Variants in LAMC2 observed in about 807,000 individuals in gnomAD.
LAMC2 encodes the protein laminin subunit gamma 2, also known as laminin subunit gamma-2.
In LAMC2, 97 loss-of-function variants were observed where a neutral mutation model predicts 140.2. The ratio of observed to expected loss-of-function variants is 0.69; its 90% CI spans 0.59 to 0.82. The LOEUF (loss-of-function observed/expected upper bound fraction) is 0.82. Ranked by LOEUF, LAMC2 falls within the 40% of genes least tolerant of loss-of-function variation. The pLI, the probability that LAMC2 is intolerant of heterozygous loss-of-function variation, is 0.00. For missense variants in LAMC2, 1,402 were observed against 1,476.1 expected (o/e 0.95, Z 0.82); for synonymous variants, 513 against 540.2 (o/e 0.95, Z 0.70).
intron 1 of LAMC2, among the ~76,000 whole-genome samples, chr1:183,207,589 C>T (rs555624085): frequency 1.3e-5 from 2 of 152,130 alleles, no homozygotes; most frequent in Non-Finnish European, 2.9e-5. Flanking sequence ...TGTAATTTAA[C>T]ATTTTGGGTT....
chr1:183,239,976 T>G, intron 20 of LAMC2, 64 bp from the exon 21 acceptor site: 1 of 1,574,716 alleles, frequency 6.4e-7, no homozygotes, highest in Non-Finnish European at 8.7e-7. Flanking sequence ...ATGGTTGTCT[T>G]TGGGATGTTT....
Position 183,236,498 on chromosome 1 carries a change from G to C in LAMC2, c.2495G>C (p.Arg832Thr). 6.2e-7 allele frequency: 1 copy of C among 1,613,916 alleles called. No homozygotes were observed. The highest frequency in any genetic ancestry group is 8.5e-7 in the Non-Finnish European group (1 of 1,179,996). ...AAGTCCCTGGCCCAGCAGTTGACAAGGGAGGCCACTCAAGCGGAAATTGAA... is the reference window on the plus strand; with the variant it reads ...AAGTCCCTGGCCCAGCAGTTGACAACGGAGGCCACTCAAGCGGAAATTGAA... ...KTKSLAQQLTREATQAEIEAD... is the reference protein window; with the variant it reads ...KTKSLAQQLTTEATQAEIEAD... The change falls in exon 17 of 23, where the codon AGG becomes ACG. Residue 832 changes from arginine (R) to threonine (T), a missense_variant. This residue lies in a region of LAMC2 where 670 missense variants were observed against 667.2 expected (regional missense o/e 1.00). Coordinates refer to ENST00000264144, the MANE Select transcript of LAMC2 (RefSeq NM_005562.3).
intron 4 of LAMC2, among the ~76,000 whole-genome samples, chr1:183,219,320 A>T (rs1659393754): frequency 6.6e-6 from 1 of 152,206 alleles, no homozygotes; most frequent in East Asian, 1.9e-4. Context: ...CAGGGACATA[A>T]AGTTTAAGTG....
downstream of LAMC2, chr1:183,249,042 T>C (rs1284107089): frequency 6.6e-6 from 1 of 152,104 alleles, no homozygotes; most frequent in African/African-American, 2.4e-5. Flanking sequence ...TCTACTTAAT[T>C]TGAACAGCAA....
At chr1:183,207,093 C>A (rs183253913) in intron 1 of LAMC2, among the ~76,000 whole-genome samples, 1 of 152,244 alleles carries the variant, frequency 6.6e-6, no homozygotes, top group East Asian at 1.9e-4. Context: ...GTGATGTGCC[C>A]AAGGAAATAG....
chr1:183,209,570 T>A (rs1464447333), intron 2 of LAMC2, among the ~76,000 whole-genome samples: 1 of 152,174 alleles, frequency 6.6e-6, no homozygotes, highest in African/African-American at 2.4e-5. Flanking sequence ...TCAAAGAACT[T>A]CATAAAAAAA....
At chr1:183,190,185 C>T (rs1030634778) in intron 1 of LAMC2, among the ~76,000 whole-genome samples, 6 of 152,132 alleles carry the variant, frequency 3.9e-5, no homozygotes, top group Admixed American at 2.0e-4. Flanking sequence ...GATGATAAAT[C>T]GATATGACCA....
intron 1 of LAMC2, among the ~76,000 whole-genome samples, chr1:183,194,275 G>A (rs1160671781): frequency 2.0e-5 from 3 of 150,354 alleles, no homozygotes; most frequent in East Asian, 3.9e-4. Context: ...AAATCTGTAA[G>A]TAAGATGCTA....
At chr1:183,241,403 G>A (rs1457658845) in intron 22 of LAMC2, 1 of 813,328 alleles carries the variant, frequency 1.2e-6, no homozygotes, top group Non-Finnish European at 1.5e-6. Flanking sequence ...AGGCCTGTGA[G>A]ATAATTTTAG....
At position 183,218,412 on chromosome 1, in the gene LAMC2, C is replaced by A. The variant is rs1177884342; in HGVS notation, c.427C>A (p.Pro143Thr). ...RLLDSKCDCD[P>T]AGIAGPCDAG... is the part of the protein sequence containing the mutation. ...CAGAGACTCCAAGTGTGACTGTGAC[C>A]CAGCTGGCATCGCAGGGCCCTGTGA... The change falls in exon 4 of 23, where the codon CCA becomes ACA. Residue 143 changes from proline to threonine, a missense_variant. Physicochemically the swap from Pro to Thr is conservative, Grantham distance 38. Coordinates refer to ENST00000264144, the MANE Select transcript of LAMC2 (RefSeq NM_005562.3). The A allele has an allele frequency of 1.2e-6, 2 of 1,614,086 alleles. No individual in the cohort carries two copies. Among genetic ancestry groups the A allele is most frequent in the Non-Finnish European group, 1.7e-6 (2 of 1,179,996 alleles).
intron 1 of LAMC2, among the ~76,000 whole-genome samples, chr1:183,203,677 T>C (rs1658794001): frequency 6.6e-6 from 1 of 152,096 alleles, no homozygotes. Flanking sequence ...AATACTGAGT[T>C]AAGTGCAATA....
intron 8 of LAMC2, 39 bp downstream of exon 8, chr1:183,225,759 T>C: frequency 7.2e-7 from 1 of 1,396,244 alleles, no homozygotes; most frequent in Non-Finnish European, 1.0e-6. Context: ...TCTTCTTAGG[T>C]GTTAGTTTAA....
Position 183,227,613 on chromosome 1 carries a change from T to C in LAMC2, c.1384T>C (p.Cys462Arg), listed in dbSNP as rs1362834950. The C allele has an allele frequency of 6.2e-7, 1 of 1,614,208 alleles. No individual in the cohort carries two copies. Among genetic ancestry groups the C allele is most frequent in the Non-Finnish European group, 8.5e-7 (1 of 1,180,036 alleles). The change falls in exon 10 of 23, where the codon TGT becomes CGT. Residue 462 changes from cysteine to arginine, a missense_variant. Coordinates refer to ENST00000264144, the MANE Select transcript of LAMC2 (RefSeq NM_005562.3). ...GCACGACCCCCGCAGCTGCAAGCCA[T>C]GTCCCTGTCATAACGGGTTCAGCTG... ...DPHDPRSCKP[C>R]PCHNGFSCSV... is the part of the protein sequence containing the mutation.
chr1:183,217,256 C>T (rs3820693), intron 3 of LAMC2, among the ~76,000 whole-genome samples: 3 of 151,864 alleles, frequency 2.0e-5, no homozygotes, highest in Non-Finnish European at 4.4e-5. Context: ...CACATGATTG[C>T]GTGCAAAGTG....
chr1:183,235,889 A>G (rs1032240116), intron 16 of LAMC2, among the ~76,000 whole-genome samples, 159 bp downstream of exon 16: 2 of 152,232 alleles, frequency 1.3e-5, no homozygotes, highest in African/African-American at 4.8e-5. Context: ...GGGGAAAAGC[A>G]GATATTTTTA....
intron 3 of LAMC2, among the ~76,000 whole-genome samples, chr1:183,216,271 G>C (rs942617): frequency 0.26 from 39,040 of 151,976 alleles, 5,799 homozygotes; most frequent in African/African-American, 0.39. Flanking sequence ...GTCCCAAGTT[G>C]TCATACTCTC....
intron 4 of LAMC2, among the ~76,000 whole-genome samples, chr1:183,220,172 C>G (rs779849147): frequency 7.9e-5 from 12 of 152,200 alleles, no homozygotes; most frequent in Non-Finnish European, 1.5e-4. Flanking sequence ...ATCGAGGATG[C>G]CCCTGTTAGT....
intron 1 of LAMC2, among the ~76,000 whole-genome samples, chr1:183,198,115 G>C (rs978861288): frequency 3.2e-4 from 46 of 142,264 alleles, no homozygotes; most frequent in Non-Finnish European, 5.6e-4. Context: ...AAAGATAATT[G>C]AGCATCATCT....
At chr1:183,232,123 T>G in intron 12 of LAMC2, 64 bp from the exon 13 acceptor site, 1 of 1,576,786 alleles carries the variant, frequency 6.3e-7, no homozygotes, top group Non-Finnish European at 8.7e-7. Flanking sequence ...GGGTACCTGG[T>G]ATTGGATGAT....
Sources: gnomAD v4.1 joint callset for allele counts (sites outside exome capture counted in the v4.1 genomes callset) on GRCh38, gnomAD v4.1.1 for gene constraint, gnomAD v4.1.1 regional missense constraint, MANE v1.5 for transcripts, NCBI Gene and HGNC (gene_info 2026-07-23, HGNC 2026-07-21) for gene names.